JPH1: variants seen among roughly 807,000 people sequenced by gnomAD.
The protein encoded by JPH1 is junctophilin-1.
JPH1 carries 12 observed loss-of-function variants against 53.6 expected under a neutral mutation model. The observed-to-expected ratio is 0.22, with a 90% CI of 0.14 to 0.36. The LOEUF (loss-of-function observed/expected upper bound fraction) is 0.36, where lower values mean the gene tolerates loss of function less well. Among genes scored for constraint, JPH1 ranks in the 10% least tolerant of loss-of-function variants. The pLI is 1.00. For synonymous variants in JPH1, 375 were observed against 363.8 expected (o/e 1.03, Z -0.35); for missense variants, 808 against 905.5 (o/e 0.89, Z 1.38).
At chr8:74,300,752 T>C (rs1419118062) in intron 2 of JPH1, among the ~76,000 whole-genome samples, 2 of 152,292 alleles carry the variant, frequency 1.3e-5, no homozygotes, top group Middle Eastern at 3.4e-3. Context: ...TGAAGTCAGG[T>C]TCAAAAACAG....
intron 2 of JPH1, among the ~76,000 whole-genome samples, chr8:74,312,158 A>G (rs1808015132): frequency 1.3e-5 from 2 of 152,214 alleles, no homozygotes; most frequent in Non-Finnish European, 2.9e-5. Flanking sequence ...TTAATTGAAT[A>G]TATTTATTTT....
chr8:74,239,070 TG>T (rs149895418), intron 4 of JPH1, among the ~76,000 whole-genome samples: 2,242 of 152,208 alleles, frequency 0.015, 58 homozygotes, highest in African/African-American at 0.051. Context: ...CCCCTTTAAG[TG>T]GGGACTATTA....
At chr8:74,263,474 T>C (rs757402343) in intron 2 of JPH1, among the ~76,000 whole-genome samples, 3 of 152,206 alleles carry the variant, frequency 2.0e-5, no homozygotes, top group Non-Finnish European at 2.9e-5. Context: ...ATAAAAGCAA[T>C]TGGCACATAA....
At chr8:74,279,113 C>T (rs1806936559) in intron 2 of JPH1, among the ~76,000 whole-genome samples, 1 of 152,220 alleles carries the variant, frequency 6.6e-6, no homozygotes, top group Admixed American at 6.5e-5. Flanking sequence ...CACCATGTCC[C>T]TATTTCTGAT....
intron 2 of JPH1, among the ~76,000 whole-genome samples, chr8:74,286,911 T>C (rs1050334820): frequency 2.6e-5 from 4 of 152,184 alleles, no homozygotes; most frequent in Non-Finnish European, 4.4e-5. Context: ...AACACAATCA[T>C]TTCCCAAGAA....
chr8:74,286,208 T>C (rs192079540), intron 2 of JPH1, among the ~76,000 whole-genome samples: 8 of 152,312 alleles, frequency 5.3e-5, no homozygotes, highest in Admixed American at 2.0e-4. Flanking sequence ...TCCAAGTCTT[T>C]CCGATGCAAC....
intron 2 of JPH1, among the ~76,000 whole-genome samples, chr8:74,259,921 G>A (rs547186527): frequency 1.2e-4 from 19 of 152,312 alleles, no homozygotes; most frequent in Admixed American, 6.5e-4. Flanking sequence ...ATTTGACTAA[G>A]AAAGATCTGC....
At chr8:74,302,959 G>GAA (rs34040034) in intron 2 of JPH1, among the ~76,000 whole-genome samples, 9 of 136,748 alleles carry the variant, frequency 6.6e-5, no homozygotes, top group Non-Finnish European at 9.7e-5. Flanking sequence ...GCCAAGAAAA[G>GAA]AAAAAAAAAA....
At chr8:74,308,253 C>T (rs1010590107) in intron 2 of JPH1, among the ~76,000 whole-genome samples, 1 of 152,254 alleles carries the variant, frequency 6.6e-6, no homozygotes, top group Non-Finnish European at 1.5e-5. Flanking sequence ...ACATGTATCA[C>T]TGACCAGCTC....
chr8:74,282,153 T>C (rs1322060215), intron 2 of JPH1, among the ~76,000 whole-genome samples: 1 of 152,168 alleles, frequency 6.6e-6, no homozygotes, highest in East Asian at 1.9e-4. Context: ...GTTAATTTAC[T>C]TGCCCAAGTT....
Position 74,235,780 on chromosome 8 carries a change from G to A in JPH1, c.*1271C>T, listed in dbSNP as rs1806982362. On this transcript the variant is annotated 3_prime_UTR_variant, in exon 6 of 6. Coordinates refer to ENST00000342232, the MANE Select transcript of JPH1 (RefSeq NM_020647.4). ...ACATATTTAAAATAAAAATGTCTAA[G>A]CCTTTAAAATGTGAAATGAAATTAC... 6.6e-6 allele frequency: 1 copy of A among 152,534 alleles called. No homozygotes were observed. The highest frequency in any genetic ancestry group is 1.5e-5 in the Non-Finnish European group (1 of 68,014). The allele number at this position is 152,534 out of a possible 1,614,324, so 9.4% of individuals were successfully genotyped here.
chr8:74,316,570 C>T (rs1281769241), intron 1 of JPH1, among the ~76,000 whole-genome samples: 1 of 152,170 alleles, frequency 6.6e-6, no homozygotes, highest in Non-Finnish European at 1.5e-5. Flanking sequence ...ACCCTTTACT[C>T]TTGGAGAAAC....
chr8:74,320,853 G>T lies in JPH1; in HGVS notation c.379+56C>A, dbSNP rs1044980422. On this transcript the variant is annotated intron_variant, in intron 1 of 5. Transcript: ENST00000342232. The surrounding 1 kb of genome is among the most constrained non-coding windows in gnomAD (Gnocchi z 4.4). ...TCCTCCCCGCTTCCCCGCAGCCGGGGCAGAGCCCACCGCACCAGCTCGCGG... is the reference window on the plus strand; with the variant it reads ...TCCTCCCCGCTTCCCCGCAGCCGGGTCAGAGCCCACCGCACCAGCTCGCGG... 2.7e-5 allele frequency: 39 copies of T among 1,452,444 alleles called. No homozygotes were observed. Among genetic ancestry groups the T allele is most frequent in the Non-Finnish European group, 3.4e-5 (38 of 1,105,082 alleles). 90.0% of individuals were successfully genotyped at this position (1,452,444 alleles called of 1,614,324 possible).
chr8:74,309,893 G>A (rs1412949390), intron 2 of JPH1, among the ~76,000 whole-genome samples: 1 of 152,146 alleles, frequency 6.6e-6, no homozygotes, highest in Non-Finnish European at 1.5e-5. Context: ...GGGACTTTCT[G>A]TCTCCTCTAC....
intron 2 of JPH1, among the ~76,000 whole-genome samples, chr8:74,265,682 C>A (rs1391685472): frequency 6.6e-6 from 1 of 152,118 alleles, no homozygotes; most frequent in Non-Finnish European, 1.5e-5. Context: ...GTAATCACTG[C>A]AACCCACCGA....
rs553671596 is a variant in JPH1, at chr8:74,258,380, G to A, written c.1258+1005C>T. On this transcript the variant is annotated intron_variant, in intron 3 of 5. Transcript: ENST00000342232. Reference sequence around the variant, plus strand: ...TTTGAAACTCAAAACAAAAACACTAGTATATTATAGAGAGGGGTAGAAAGA... The same window carrying A: ...TTTGAAACTCAAAACAAAAACACTAATATATTATAGAGAGGGGTAGAAAGA... 2.6e-5 allele frequency among the ~76,000 whole-genome samples: 4 copies of A among 152,292 alleles called. No homozygotes were observed. The South Asian group carries it at 8.3e-4, about 32-fold the overall frequency.
At chr8:74,297,765 T>C (rs1021581973) in intron 2 of JPH1, among the ~76,000 whole-genome samples, 1 of 152,236 alleles carries the variant, frequency 6.6e-6, no homozygotes, top group Non-Finnish European at 1.5e-5. Context: ...TTCATTCTTT[T>C]ATATAAACGT....
intron 3 of JPH1, among the ~76,000 whole-genome samples, chr8:74,250,924 T>C (rs1437792027): frequency 6.6e-6 from 1 of 152,194 alleles, no homozygotes; most frequent in Non-Finnish European, 1.5e-5. Context: ...ATGCTGATAC[T>C]ACCAGTACAT....
intron 2 of JPH1, among the ~76,000 whole-genome samples, chr8:74,278,649 C>T (rs1264350070): frequency 6.6e-6 from 1 of 152,134 alleles, no homozygotes; most frequent in African/African-American, 2.4e-5. Flanking sequence ...GGGTGATTGA[C>T]CCGGACTAAT....
Sources: allele counts gnomAD v4.1 joint callset (sites outside exome capture counted in the v4.1 genomes callset), GRCh38; gene constraint gnomAD v4.1.1; non-coding constraint Gnocchi (gnomAD v3.1); transcripts MANE v1.5; gene names NCBI Gene and HGNC (gene_info 2026-07-23, HGNC 2026-07-21).